The following SRBD1 variants were observed in gnomAD, a reference collection of about 807,000 sequenced individuals.
SRBD1 encodes S1 RNA binding domain 1, also known as S1 RNA-binding domain-containing protein 1.
A neutral mutation model predicts 115.3 loss-of-function variants in SRBD1; 88 were observed. The observed-to-expected ratio is 0.76, with a 90% CI of 0.64 to 0.91. SRBD1 has a LOEUF of 0.91. Ranked by LOEUF, SRBD1 falls within the 40% of genes least tolerant of loss-of-function variation. SRBD1 has a pLI of 0.00. For synonymous variants in SRBD1, 509 were observed against 407.7 expected, an observed-to-expected ratio of 1.25 and a Z score of -2.99; for missense variants, 1,385 against 1,177.4, an observed-to-expected ratio of 1.18 and a Z score of -2.58.
At chr2:45,395,821 C>A (rs1009254275) in intron 19 of SRBD1, among the ~76,000 whole-genome samples, 3 of 152,080 alleles carry the variant, frequency 2.0e-5, no homozygotes, top group Non-Finnish European at 4.4e-5. Flanking sequence ...AGTAGCCATT[C>A]AATAAACATA....
intron 18 of SRBD1, among the ~76,000 whole-genome samples, chr2:45,414,721 C>CACACACAGTGTGTATATAGTATGTACAT (rs1558563308): frequency 8.0e-6 from 1 of 125,140 alleles, no homozygotes; most frequent in African/African-American, 2.7e-5. Context: ...TATGTATATA[C>CACACACAGTGTGTATATAGTATGTACAT]ACACACACAG....
At chr2:45,494,424 C>T (rs1436721922) in intron 14 of SRBD1, among the ~76,000 whole-genome samples, 1 of 151,356 alleles carries the variant, frequency 6.6e-6, no homozygotes, top group Non-Finnish European at 1.5e-5. Context: ...TTATTGTGAA[C>T]TTAAATCTTG....
intron 14 of SRBD1, among the ~76,000 whole-genome samples, chr2:45,533,807 T>C (rs920973802): frequency 3.9e-5 from 6 of 152,102 alleles, no homozygotes; most frequent in Non-Finnish European, 5.9e-5. Context: ...AGCCTAAATA[T>C]ACTTGTCTAA....
chr2:45,540,834 T>C (rs1284127961), intron 14 of SRBD1, among the ~76,000 whole-genome samples: 1 of 152,226 alleles, frequency 6.6e-6, no homozygotes, highest in Non-Finnish European at 1.5e-5. Flanking sequence ...ACATATCCAC[T>C]AGGGCAGCTA....
chr2:45,541,379 G>C (rs1671930899), intron 14 of SRBD1, among the ~76,000 whole-genome samples: 1 of 152,228 alleles, frequency 6.6e-6, no homozygotes, highest in Non-Finnish European at 1.5e-5. Flanking sequence ...TCCTTCTCAA[G>C]GTCTGCAGCA....
intron 1 of SRBD1, among the ~76,000 whole-genome samples, chr2:45,609,555 A>G (rs1420773523): frequency 1.3e-5 from 2 of 152,208 alleles, no homozygotes; most frequent in East Asian, 3.9e-4. Flanking sequence ...CATTTTTATG[A>G]GGCCTTTGAA....
intron 4 of SRBD1, 73 bp from the exon 5 acceptor site, chr2:45,585,847 TA>T: frequency 2.6e-5 from 32 of 1,214,180 alleles, no homozygotes; most frequent in Non-Finnish European, 3.6e-5. Context: ...ATTTAAAACA[TA>T]GTATCAAATA....
chr2:45,576,426 G>C (rs1314396175), intron 7 of SRBD1, among the ~76,000 whole-genome samples: 1 of 151,986 alleles, frequency 6.6e-6, no homozygotes, highest in African/African-American at 2.4e-5. Flanking sequence ...CTTTGAAGAG[G>C]GAGTCGGGGG....
At position 45,393,072 on chromosome 2, in the gene SRBD1, T is replaced by C. The variant is rs776953570; in HGVS notation, c.2571A>G (p.Gln857=). 12 of 1,613,932 alleles carry C rather than the reference T, an allele frequency of 7.4e-6. No individual in the cohort carries two copies. The highest frequency in any genetic ancestry group is 1.0e-5 in the Non-Finnish European group (12 of 1,179,962). Residue 857 remains glutamine (Q), a synonymous_variant, in exon 20 of 21, where the codon CAA becomes CAG. Transcript: ENST00000263736. The stretch of plus-strand genomic sequence containing the variant: ...CCTTTTCAAGGAATGAATTTATTTT[T>C]TGTTGCATTTCAGGCTTTCCAACCT... ...LYEVGKPEMQ[Q]KINSFLEKEG...
At chr2:45,544,022 A>G (rs1277523099) in intron 14 of SRBD1, among the ~76,000 whole-genome samples, 1 of 152,062 alleles carries the variant, frequency 6.6e-6, no homozygotes, top group Non-Finnish European at 1.5e-5. Context: ...AAGTGCAAAG[A>G]AGGCACCAAA....
chr2:45,495,590 A>C (rs1167199509), intron 14 of SRBD1, among the ~76,000 whole-genome samples: 1 of 152,038 alleles, frequency 6.6e-6, no homozygotes, highest in Non-Finnish European at 1.5e-5. Flanking sequence ...CATACCATAA[A>C]GTATTTAATG....
chr2:45,593,653 A>C (rs1318965565), intron 4 of SRBD1, among the ~76,000 whole-genome samples: 1 of 152,238 alleles, frequency 6.6e-6, no homozygotes. Flanking sequence ...CATCTAAGTT[A>C]AATGACTCTC....
intron 15 of SRBD1, 26 bp from the exon 16 acceptor site, chr2:45,477,101 G>A: frequency 6.3e-7 from 1 of 1,592,714 alleles, no homozygotes; most frequent in Non-Finnish European, 8.6e-7. Flanking sequence ...CAGAAAACAA[G>A]TATGACTTAA....
intron 16 of SRBD1, among the ~76,000 whole-genome samples, chr2:45,448,354 C>T (rs1285917866): frequency 6.6e-6 from 1 of 151,936 alleles, no homozygotes; most frequent in Non-Finnish European, 1.5e-5. Flanking sequence ...TACAAAAAGG[C>T]TCAACAAAAA....
At chr2:45,484,870 T>C (rs1208849978) in intron 15 of SRBD1, among the ~76,000 whole-genome samples, 1 of 152,218 alleles carries the variant, frequency 6.6e-6, no homozygotes, top group Non-Finnish European at 1.5e-5. Context: ...CTTTTACTTA[T>C]GTTGGCATGA....
intron 16 of SRBD1, among the ~76,000 whole-genome samples, chr2:45,469,004 T>G (rs1479110759): frequency 6.6e-6 from 1 of 152,222 alleles, no homozygotes; most frequent in Non-Finnish European, 1.5e-5. Flanking sequence ...TATTCTTTTG[T>G]ATCTCCTCTT....
intron 16 of SRBD1, among the ~76,000 whole-genome samples, chr2:45,434,067 G>A (rs955324581): frequency 6.6e-6 from 1 of 152,158 alleles, no homozygotes; most frequent in African/African-American, 2.4e-5. Flanking sequence ...CTCCTCCTCT[G>A]ATAAAGCATA....
At chr2:45,609,410 G>C (rs958169179) in intron 1 of SRBD1, among the ~76,000 whole-genome samples, 1 of 151,964 alleles carries the variant, frequency 6.6e-6, no homozygotes, top group Non-Finnish European at 1.5e-5. Context: ...TACCACACTC[G>C]CCTCTTAACT....
intron 16 of SRBD1, among the ~76,000 whole-genome samples, chr2:45,420,407 T>G (rs944021641): frequency 1.8e-4 from 27 of 152,202 alleles, no homozygotes; most frequent in African/African-American, 6.0e-4. Flanking sequence ...TAAATCAAAC[T>G]CGTTTCATCA....
Sources: gnomAD v4.1 joint callset for allele counts (sites outside exome capture counted in the v4.1 genomes callset) on GRCh38, gnomAD v4.1.1 for gene constraint, MANE v1.5 for transcripts, NCBI Gene and HGNC (gene_info 2026-07-23, HGNC 2026-07-21) for gene names.